MARK4: variants seen among roughly 807,000 people sequenced by gnomAD.
MARK4 encodes MAP/microtubule affinity-regulating kinase 4.
In MARK4, 19 loss-of-function variants were observed where a neutral mutation model predicts 81.5. The observed-to-expected ratio is 0.23, with a 90% CI of 0.16 to 0.34. The LOEUF (loss-of-function observed/expected upper bound fraction) is 0.34. MARK4 is among the 10% of genes least tolerant of loss of function. The pLI is 1.00. For synonymous variants in MARK4, 436 were observed against 439.0 expected, an observed-to-expected ratio of 0.99 and a Z score of 0.08; for missense variants, 772 against 1,058.8, an observed-to-expected ratio of 0.73 and a Z score of 3.76.
chr19:45,272,227 G>T (rs1181729394), intron 8 of MARK4, among the ~76,000 whole-genome samples: 1 of 152,208 alleles, frequency 6.6e-6, no homozygotes, highest in Non-Finnish European at 1.5e-5. Flanking sequence ...AGCTACTTGG[G>T]AGGCTGACGC....
chr19:45,294,264 A>G, intron 13 of MARK4, 85 bp from the exon 14 acceptor site: 1 of 1,287,552 alleles, frequency 7.8e-7, no homozygotes, highest in Admixed American at 1.8e-5. Flanking sequence ...TTATTCATCG[A>G]TGGGGAGGGC....
intron 8 of MARK4, among the ~76,000 whole-genome samples, chr19:45,276,520 A>C (rs1970599636): frequency 1.3e-5 from 2 of 152,026 alleles, no homozygotes; most frequent in Non-Finnish European, 2.9e-5. Flanking sequence ...GGGAGAGACG[A>C]GAAGGCAGGA....
intron 1 of MARK4, among the ~76,000 whole-genome samples, chr19:45,257,778 C>T (rs1204335696): frequency 6.6e-6 from 1 of 151,604 alleles, no homozygotes; most frequent in Non-Finnish European, 1.5e-5. Context: ...CAAGCTCCAC[C>T]TCCTGGGTTC....
At chr19:45,286,933 G>C (rs976852990) in intron 12 of MARK4, among the ~76,000 whole-genome samples, 1 of 151,954 alleles carries the variant, frequency 6.6e-6, no homozygotes, top group African/African-American at 2.4e-5. Context: ...ATTCTGTACT[G>C]GTGCATAAAG....
intron 12 of MARK4, among the ~76,000 whole-genome samples, chr19:45,282,781 G>A (rs559136545): frequency 2.6e-5 from 4 of 152,136 alleles, no homozygotes; most frequent in South Asian, 2.1e-4. Flanking sequence ...CCGAGATCAC[G>A]CCACTGCACT....
intron 13 of MARK4, among the ~76,000 whole-genome samples, chr19:45,290,638 T>C (rs1040863257): frequency 3.3e-5 from 5 of 152,246 alleles, no homozygotes; most frequent in East Asian, 1.9e-4. Context: ...TATGACCAGC[T>C]TTAACTGTCC....
Position 45,280,578 on chromosome 19 carries a change from G to T in MARK4, c.1120G>T (p.Gly374Cys), listed in dbSNP as rs1428874460. ...YLLLGRKTEE[G>C]GDRGAPGLAL... is the part of the protein sequence containing the mutation. ...CTCATCTGTCATCCTCTCGCAGGAGGGTGGGGACCGGGGCGCCCCAGGGCT... is the reference window on the plus strand; with the variant it reads ...CTCATCTGTCATCCTCTCGCAGGAGTGTGGGGACCGGGGCGCCCCAGGGCT... Residue 374 changes from glycine (G) to cysteine (C), a missense_variant, in exon 12 of 17, where the codon GGT becomes TGT. Gly to Cys is a radical substitution (Grantham distance 159). This residue lies in a region of MARK4 where 548 missense variants were observed against 624.3 expected (regional missense o/e 0.88). Transcript: ENST00000262891. 3 of 1,613,798 alleles carry T rather than the reference G, an allele frequency of 1.9e-6. No individual in the cohort carries two copies. Among genetic ancestry groups the T allele is most frequent in the Admixed American group, 1.7e-5 (1 of 60,002 alleles).
At chr19:45,266,611 A>C (rs1970457398) in intron 7 of MARK4, among the ~76,000 whole-genome samples, 1 of 151,848 alleles carries the variant, frequency 6.6e-6, no homozygotes. Flanking sequence ...TCGCTCTCAG[A>C]GCCTTTGGGA....
chr19:45,280,671 C>A lies in MARK4; in HGVS notation c.1213C>A (p.His405Asn). 6.2e-7 allele frequency: 1 copy of A among 1,614,186 alleles called. No individual in the cohort carries two copies. The highest frequency in any genetic ancestry group is 1.1e-5 in the South Asian group (1 of 91,086). ...AACAAGTTCCAGCAAAGGCACCAGCCACAGCAAAGGGCAGCGGAGTTCCTC... is the reference window on the plus strand; with the variant it reads ...AACAAGTTCCAGCAAAGGCACCAGCAACAGCAAAGGGCAGCGGAGTTCCTC... ...NGTSSSKGTS[H>N]SKGQRSSSST... Residue 405 changes from histidine (H) to asparagine (N), a missense_variant, in exon 12 of 17, where the codon CAC becomes AAC. Transcript: ENST00000262891.
intron 4 of MARK4, 53 bp downstream of exon 4, chr19:45,263,420 G>C: frequency 1.2e-6 from 2 of 1,610,366 alleles, no homozygotes; most frequent in Non-Finnish European, 8.5e-7. Flanking sequence ...ACTTGCAAAG[G>C]AGTTGGGGGT....
chr19:45,278,671 T>A (rs1970633548), intron 10 of MARK4, 56 bp downstream of exon 10: 4 of 1,320,516 alleles, frequency 3.0e-6, no homozygotes, highest in Non-Finnish European at 4.4e-6. Flanking sequence ...TGGTGCAATC[T>A]CGGCTCACTG....
intron 10 of MARK4, among the ~76,000 whole-genome samples, chr19:45,279,300 TGA>T (rs1250516140): frequency 1.3e-5 from 2 of 152,120 alleles, no homozygotes; most frequent in African/African-American, 4.8e-5. Context: ...ACAGATCACC[TGA>T]GGTCAGGAGT....
intron 13 of MARK4, among the ~76,000 whole-genome samples, chr19:45,290,143 C>T (rs1006758016): frequency 3.9e-5 from 6 of 152,238 alleles, no homozygotes; most frequent in African/African-American, 7.2e-5. Flanking sequence ...TAATTTTTCT[C>T]GTACGTTCTT....
intron 10 of MARK4, among the ~76,000 whole-genome samples, chr19:45,279,904 G>C (rs556159872): frequency 1.3e-5 from 2 of 152,144 alleles, no homozygotes; most frequent in Non-Finnish European, 2.9e-5. Context: ...CCAGACCTGG[G>C]TTATCCGCCT....
At chr19:45,291,159 A>C (rs1970815459) in intron 13 of MARK4, among the ~76,000 whole-genome samples, 1 of 152,134 alleles carries the variant, frequency 6.6e-6, no homozygotes, top group South Asian at 2.1e-4. Context: ...AACCCAGAGA[A>C]TGGATGGGAG....
intron 1 of MARK4, among the ~76,000 whole-genome samples, chr19:45,253,630 C>T (rs756778586): frequency 2.8e-4 from 42 of 152,308 alleles, no homozygotes; most frequent in South Asian, 1.0e-3. Flanking sequence ...TTGAGTGAGC[C>T]TGCAGATTCA....
At chr19:45,259,225 C>A in intron 2 of MARK4, 36 bp downstream of exon 2, 2 of 1,606,110 alleles carry the variant, frequency 1.2e-6, no homozygotes, top group Non-Finnish European at 1.7e-6. Flanking sequence ...CGGGGCAGGT[C>A]CCTGTGGGAC....
Position 45,251,278 on chromosome 19 carries a change from C to A in MARK4, c.-311C>A, listed in dbSNP as rs1315900631. 2 of 145,538 alleles carry A rather than the reference C, an allele frequency of 1.4e-5. No individual in the cohort carries two copies. Among genetic ancestry groups the A allele is most frequent in the Admixed American group, 1.4e-4 (2 of 14,748 alleles). The allele number at this position is 145,538 out of a possible 1,614,324, so 9.0% of individuals were successfully genotyped here. ...TCCCCCTGACGTCCCTTCCTCCCTCCCCAGCCCCTCCACCGCCTCCCTCCG... is the reference window on the plus strand; with the variant it reads ...TCCCCCTGACGTCCCTTCCTCCCTCACCAGCCCCTCCACCGCCTCCCTCCG... On this transcript the variant is annotated 5_prime_UTR_variant, in exon 1 of 17. Transcript: ENST00000262891.
At chr19:45,287,808 C>T (rs1165688660) in intron 13 of MARK4, 144 bp downstream of exon 13, 37 of 966,456 alleles carry the variant, frequency 3.8e-5, no homozygotes, top group Non-Finnish European at 5.5e-5. Flanking sequence ...AAACATTTAT[C>T]GAGTGCCTCT....
Sources: gnomAD v4.1 joint callset for allele counts (sites outside exome capture counted in the v4.1 genomes callset) on GRCh38, gnomAD v4.1.1 for gene constraint, gnomAD v4.1.1 regional missense constraint, MANE v1.5 for transcripts, NCBI Gene and HGNC (gene_info 2026-07-23, HGNC 2026-07-21) for gene names.